The following ULK4 variants were observed in gnomAD, a reference collection of about 807,000 sequenced individuals.
ULK4 encodes inactive serine/threonine-protein kinase ULK4.
Under a neutral mutation model 160.6 loss-of-function variants are expected in ULK4, and 133 were observed. The observed-to-expected ratio is 0.83, with a 90% CI of 0.72 to 0.96. The LOEUF is 0.96. Among genes scored for constraint, ULK4 ranks in the 40% least tolerant of loss-of-function variants. The pLI is 0.00. For synonymous variants in ULK4, 534 were observed against 539.8 expected (o/e 0.99, Z 0.15); for missense variants, 1,580 against 1,499.5 (o/e 1.05, Z -0.89).
intron 34 of ULK4, among the ~76,000 whole-genome samples, chr3:41,422,568 T>C (rs1418920360): frequency 1.4e-5 from 2 of 143,874 alleles, no homozygotes; most frequent in Non-Finnish European, 3.0e-5. Flanking sequence ...ATGTTACACA[T>C]ATTCATATGC....
chr3:41,898,664 T>C (rs1470691270), intron 13 of ULK4, among the ~76,000 whole-genome samples, 172 bp from the exon 14 acceptor site: 1 of 152,192 alleles, frequency 6.6e-6, no homozygotes, highest in Non-Finnish European at 1.5e-5. Flanking sequence ...CACACAAATA[T>C]AGATAATATT....
chr3:41,925,532 C>T (rs1458016134), intron 5 of ULK4, among the ~76,000 whole-genome samples: 2 of 152,082 alleles, frequency 1.3e-5, no homozygotes, highest in Non-Finnish European at 2.9e-5. Context: ...CCCAGTGGCA[C>T]CTGGAAGGCC....
At chr3:41,888,005 GA>G (rs921455521) in intron 16 of ULK4, among the ~76,000 whole-genome samples, 97 of 143,404 alleles carry the variant, frequency 6.8e-4, no homozygotes, top group African/African-American at 1.8e-3. Flanking sequence ...TCCACAAAAA[GA>G]AAAAAAAAAA....
At chr3:41,694,268 A>T (rs1457153499) in intron 27 of ULK4, among the ~76,000 whole-genome samples, 1 of 152,208 alleles carries the variant, frequency 6.6e-6, no homozygotes, top group African/African-American at 2.4e-5. Context: ...AGGCACGTGT[A>T]TGTAAGTACG....
intron 32 of ULK4, among the ~76,000 whole-genome samples, chr3:41,528,381 T>C (rs531415939): frequency 1.1e-4 from 16 of 152,328 alleles, no homozygotes; most frequent in South Asian, 8.3e-4. Context: ...TAGAAATGTA[T>C]AGAAACAGAC....
chr3:41,848,367 A>G (rs1383345121), intron 17 of ULK4, among the ~76,000 whole-genome samples: 4 of 152,228 alleles, frequency 2.6e-5, no homozygotes, highest in Non-Finnish European at 5.9e-5. Flanking sequence ...ACAAATGTCA[A>G]CTACAAAAGA....
intron 22 of ULK4, among the ~76,000 whole-genome samples, chr3:41,750,362 C>T (rs937034854): frequency 6.6e-6 from 1 of 152,130 alleles, no homozygotes; most frequent in Non-Finnish European, 1.5e-5. Flanking sequence ...CACATTCAAC[C>T]AGAAGATTAC....
intron 19 of ULK4, among the ~76,000 whole-genome samples, chr3:41,815,065 C>G (rs562832140): frequency 2.6e-5 from 4 of 152,020 alleles, no homozygotes; most frequent in Non-Finnish European, 5.9e-5. Context: ...TGCACCACCA[C>G]GCCCGACTAA....
rs141220400 is a variant in ULK4, at chr3:41,747,411, T to C, written c.2321+6950A>G. ...AGGAATGACATGTCCCAGCCTCAAT[T>C]TGTTCATTTCTGGCCTAAATGCAAA... On this transcript the variant is annotated intron_variant, in intron 22 of 36. Transcript: ENST00000301831. Among the ~76,000 whole-genome samples the C allele has an allele frequency of 3.8e-4, 58 of 152,020 alleles. 1 individual carries two copies. Among genetic ancestry groups the C allele is most frequent in the African/African-American group, 1.3e-3 (55 of 41,294 alleles).
At chr3:41,581,150 C>A (rs1159808308) in intron 31 of ULK4, among the ~76,000 whole-genome samples, 1 of 152,010 alleles carries the variant, frequency 6.6e-6, no homozygotes. Flanking sequence ...AAAAAAAATC[C>A]TCAGAAGCCT....
At chr3:41,571,304 C>T (rs1007518305) in intron 31 of ULK4, among the ~76,000 whole-genome samples, 1 of 152,220 alleles carries the variant, frequency 6.6e-6, no homozygotes, top group Non-Finnish European at 1.5e-5. Flanking sequence ...AGCTACTGCT[C>T]TGGCCTAGAG....
chr3:41,716,263 C>T (rs920497993), intron 23 of ULK4, among the ~76,000 whole-genome samples: 13 of 129,708 alleles, frequency 1.0e-4, no homozygotes, highest in East Asian at 2.1e-4. Flanking sequence ...AATAAGTGAA[C>T]GAATTACAGA....
At chr3:41,774,413 G>T (rs1476422788) in intron 21 of ULK4, among the ~76,000 whole-genome samples, 2 of 150,534 alleles carry the variant, frequency 1.3e-5, no homozygotes, top group South Asian at 2.1e-4. Flanking sequence ...GTGGGCAAAG[G>T]ATATGAACAG....
chr3:41,648,030 A>G (rs2034585983), intron 30 of ULK4, among the ~76,000 whole-genome samples: 1 of 152,110 alleles, frequency 6.6e-6, no homozygotes, highest in Admixed American at 6.5e-5. Flanking sequence ...GTGGTGCGCC[A>G]TTTTTTAAGC....
chr3:41,464,190 G>GCACCTCTTCTATACAGTGCACCTTGT (rs2083767830), intron 32 of ULK4, among the ~76,000 whole-genome samples: 2 of 152,040 alleles, frequency 1.3e-5, no homozygotes, highest in South Asian at 4.2e-4. Flanking sequence ...GTAAGTTTTG[G>GCACCTCTTCTATACAGTGCACCTTGT]CACCTCTTCT....
chr3:41,701,738 T>C (rs973376752), intron 27 of ULK4, among the ~76,000 whole-genome samples: 2 of 152,144 alleles, frequency 1.3e-5, no homozygotes, highest in African/African-American at 4.8e-5. Context: ...CAAAACAAGA[T>C]AGACTTGAAA....
intron 34 of ULK4, among the ~76,000 whole-genome samples, chr3:41,413,008 T>C (rs773975599): frequency 4.6e-5 from 7 of 152,060 alleles, no homozygotes; most frequent in African/African-American, 1.2e-4. Flanking sequence ...ATACCAGAGA[T>C]TGGGTAATTT....
At chr3:41,363,220 T>C (rs2081183451) in intron 35 of ULK4, among the ~76,000 whole-genome samples, 1 of 152,166 alleles carries the variant, frequency 6.6e-6, no homozygotes, top group Admixed American at 6.5e-5. Flanking sequence ...TTGGCAATGG[T>C]CCTCTGGTCC....
chr3:41,264,320 G>A (rs189759077), intron 35 of ULK4, among the ~76,000 whole-genome samples: 16 of 152,314 alleles, frequency 1.1e-4, no homozygotes, highest in East Asian at 3.9e-4. Context: ...ACATGCCAGC[G>A]CCAGATCCCT....
Sources: allele counts gnomAD v4.1 joint callset (sites outside exome capture counted in the v4.1 genomes callset), GRCh38; gene constraint gnomAD v4.1.1; transcripts MANE v1.5; gene names NCBI Gene and HGNC (gene_info 2026-07-23, HGNC 2026-07-21).